Variants in DTWD2 observed in about 807,000 individuals in gnomAD.
The protein encoded by DTWD2 is tRNA-uridine aminocarboxypropyltransferase 2.
Under a neutral mutation model 31.8 loss-of-function variants are expected in DTWD2, and 39 were observed. The observed-to-expected ratio is 1.22, with a 90% CI of 0.95 to 1.60. DTWD2 has a LOEUF of 1.60. Among genes scored for constraint, DTWD2 ranks in the 40% most tolerant of loss-of-function variants. DTWD2 has a pLI of 0.00. For synonymous variants in DTWD2, 180 were observed against 142.8 expected (o/e 1.26, Z -1.86); for missense variants, 515 against 381.5 (o/e 1.35, Z -2.92).
chr5:118,932,036 G>C (rs1753935017), intron 3 of DTWD2, among the ~76,000 whole-genome samples: 1 of 152,104 alleles, frequency 6.6e-6, no homozygotes, highest in Admixed American at 6.6e-5. Context: ...AAACGAAAAT[G>C]AAAATACAAC....
intron 4 of DTWD2, among the ~76,000 whole-genome samples, chr5:118,857,133 T>G (rs1240544129): frequency 6.6e-6 from 1 of 152,038 alleles, no homozygotes; most frequent in African/African-American, 2.4e-5. Context: ...ACACGTACAC[T>G]TCCATTAAAA....
intron 4 of DTWD2, among the ~76,000 whole-genome samples, chr5:118,849,468 C>T (rs116445185): frequency 1.6e-3 from 247 of 152,272 alleles, no homozygotes; most frequent in African/African-American, 5.8e-3. Context: ...GACAGCGTGG[C>T]AATTCCTCAA....
intron 1 of DTWD2, among the ~76,000 whole-genome samples, chr5:118,947,690 T>C (rs926421893): frequency 1.3e-4 from 20 of 152,172 alleles, no homozygotes; most frequent in African/African-American, 4.8e-4. Flanking sequence ...TGGGGCATAG[T>C]TCCAGGCTTG....
chr5:118,854,698 C>G (rs1752090128), intron 4 of DTWD2, among the ~76,000 whole-genome samples: 1 of 152,000 alleles, frequency 6.6e-6, no homozygotes, highest in African/African-American at 2.4e-5. Flanking sequence ...TGGAGATATA[C>G]CATAATCTTC....
At chr5:118,843,119 G>A (rs1404292845) in intron 5 of DTWD2, among the ~76,000 whole-genome samples, 1 of 151,900 alleles carries the variant, frequency 6.6e-6, no homozygotes, top group Non-Finnish European at 1.5e-5. Context: ...ACCATGCCCA[G>A]CTTATTTTTG....
chr5:118,900,011 C>A (rs971333791), intron 4 of DTWD2, among the ~76,000 whole-genome samples: 6 of 151,950 alleles, frequency 3.9e-5, no homozygotes, highest in Admixed American at 3.3e-4. Flanking sequence ...CTATGTTGAC[C>A]AAGTTACCTG....
chr5:118,911,272 A>C (rs1753452735), intron 4 of DTWD2, among the ~76,000 whole-genome samples: 1 of 152,216 alleles, frequency 6.6e-6, no homozygotes, highest in Non-Finnish European at 1.5e-5. Flanking sequence ...TATAATCTCT[A>C]ATCAACAAGA....
chr5:118,855,820 G>C (rs1415009806), intron 4 of DTWD2, among the ~76,000 whole-genome samples: 2 of 152,164 alleles, frequency 1.3e-5, no homozygotes, highest in Non-Finnish European at 2.9e-5. Flanking sequence ...TATAAAAAGT[G>C]AAGTGCCCTA....
chr5:118,974,671 G>A, intron 1 of DTWD2: 1 of 505,010 alleles, frequency 2.0e-6, no homozygotes, highest in South Asian at 1.5e-5. Flanking sequence ...TGGTTAAAAA[G>A]GCCAAAGATA....
Position 118,955,804 on chromosome 5 carries a change from A to C in DTWD2, c.219-11155T>G, listed in dbSNP as rs539800539. On this transcript the variant is annotated intron_variant, in intron 1 of 5. Transcript: ENST00000510708. ...CAGCAAGACCCCTATCTCTTAAAAA[A>C]AAAAAAAAGTTCCTTGCTTCCTATG... is the stretch of plus-strand genomic sequence containing the variant. Among the ~76,000 whole-genome samples the C allele has an allele frequency of 5.9e-5, 9 of 152,288 alleles. No individual in the cohort carries two copies. In the South Asian group the frequency reaches 1.9e-3, roughly 32 times the overall value.
intron 1 of DTWD2, among the ~76,000 whole-genome samples, chr5:118,961,343 CAAATT>C (rs1754702536): frequency 6.6e-6 from 1 of 152,212 alleles, no homozygotes; most frequent in South Asian, 2.1e-4. Context: ...TTCTTAACAG[CAAATT>C]AATTTAATCA....
intron 3 of DTWD2, 57 bp from the exon 4 acceptor site, chr5:118,928,786 T>C (rs983760869): frequency 6.0e-6 from 8 of 1,342,500 alleles, no homozygotes; most frequent in African/African-American, 3.0e-5. Flanking sequence ...AAAGGTTTTA[T>C]TATGCTTACT....
chr5:118,846,737 A>G (rs1217897952), intron 5 of DTWD2, among the ~76,000 whole-genome samples: 1 of 152,146 alleles, frequency 6.6e-6, no homozygotes, highest in African/African-American at 2.4e-5. Context: ...TGGGGTATAT[A>G]AAGTACTATG....
At chr5:118,954,954 C>G (rs924479462) in intron 1 of DTWD2, among the ~76,000 whole-genome samples, 41 of 151,958 alleles carry the variant, frequency 2.7e-4, no homozygotes, top group South Asian at 2.1e-4. Context: ...CTCTCTGGTA[C>G]TTAAGTAATT....
intron 4 of DTWD2, among the ~76,000 whole-genome samples, chr5:118,855,196 G>A (rs1466248388): frequency 1.4e-5 from 2 of 145,904 alleles, no homozygotes; most frequent in African/African-American, 2.5e-5. Flanking sequence ...CATCATTTTC[G>A]GACCTGTAAC....
chr5:118,979,808 C>A (rs1473612889), intron 1 of DTWD2, among the ~76,000 whole-genome samples: 1 of 152,186 alleles, frequency 6.6e-6, no homozygotes. Flanking sequence ...TGAGAACACA[C>A]AGACACAAAG....
chr5:118,899,670 C>A (rs996026503), intron 4 of DTWD2, among the ~76,000 whole-genome samples: 5 of 152,144 alleles, frequency 3.3e-5, no homozygotes, highest in African/African-American at 9.7e-5. Context: ...CCTCTTCATA[C>A]TCCATTCCTG....
chr5:118,851,352 A>C (rs1005458134), intron 4 of DTWD2, among the ~76,000 whole-genome samples: 1 of 152,004 alleles, frequency 6.6e-6, no homozygotes, highest in Non-Finnish European at 1.5e-5. Flanking sequence ...AAAGAGAGGA[A>C]TTTTACATCT....
intron 4 of DTWD2, among the ~76,000 whole-genome samples, chr5:118,911,206 A>G (rs923765905): frequency 2.0e-5 from 3 of 152,238 alleles, no homozygotes; most frequent in African/African-American, 7.2e-5. Context: ...ACTACACACT[A>G]ACTGATTGTG....
Sources: allele counts gnomAD v4.1 joint callset (sites outside exome capture counted in the v4.1 genomes callset), GRCh38; gene constraint gnomAD v4.1.1; transcripts MANE v1.5; gene names NCBI Gene and HGNC (gene_info 2026-07-23, HGNC 2026-07-21).